CTNNA3: variants seen among roughly 807,000 people sequenced by gnomAD.
CTNNA3 encodes catenin alpha-3.
A neutral mutation model predicts 95.7 loss-of-function variants in CTNNA3; 76 were observed. That is an observed-to-expected ratio of 0.79 (90% CI 0.66 to 0.96). The LOEUF (loss-of-function observed/expected upper bound fraction) is 0.96. CTNNA3 is among the 40% of genes least tolerant of loss of function. CTNNA3 has a pLI of 0.00. For synonymous variants in CTNNA3, 431 were observed against 374.4 expected, an observed-to-expected ratio of 1.15 and a Z score of -1.74; for missense variants, 1,191 against 1,089.8, an observed-to-expected ratio of 1.09 and a Z score of -1.31.
At chr10:67,345,491 T>C (rs1325918809) in intron 5 of CTNNA3, among the ~76,000 whole-genome samples, 1 of 152,180 alleles carries the variant, frequency 6.6e-6, no homozygotes, top group Non-Finnish European at 1.5e-5. Flanking sequence ...ATTTGCTTTA[T>C]ATATCTGGGC....
At chr10:67,000,071 TC>T (rs1279964740) in intron 7 of CTNNA3, among the ~76,000 whole-genome samples, 13 of 152,308 alleles carry the variant, frequency 8.5e-5, no homozygotes, top group African/African-American at 3.1e-4. Context: ...ATGGAAATGA[TC>T]ATGATAGCAT....
rs1589307293 is a variant in CTNNA3, at chr10:66,479,428, C to T, written c.1531+41189G>A. On this transcript the variant is annotated intron_variant, in intron 11 of 17. Transcript: ENST00000433211. Reference sequence around the variant, plus strand: ...TAGAATAAGCCAATCACTTTTCACACACAAATCAAAAACATATTGTGATAT... The same window carrying T: ...TAGAATAAGCCAATCACTTTTCACATACAAATCAAAAACATATTGTGATAT... Among the ~76,000 whole-genome samples, 4 of 152,058 alleles carry T rather than the reference C, an allele frequency of 2.6e-5. No homozygotes were observed. The South Asian group carries it at 8.3e-4, about 32-fold the overall frequency.
intron 16 of CTNNA3, among the ~76,000 whole-genome samples, chr10:65,986,227 A>C (rs907039243): frequency 8.6e-5 from 13 of 151,472 alleles, no homozygotes; most frequent in African/African-American, 3.1e-4. Context: ...CTGTATCAAA[A>C]TATTTCCTGT....
At chr10:67,421,954 ACAT>A (rs1489608555) in intron 5 of CTNNA3, among the ~76,000 whole-genome samples, 4 of 152,196 alleles carry the variant, frequency 2.6e-5, no homozygotes, top group Non-Finnish European at 5.9e-5. Flanking sequence ...GGGACAACCA[ACAT>A]CATGCTCACA....
At chr10:67,554,003 T>C (rs779184770) in intron 3 of CTNNA3, among the ~76,000 whole-genome samples, 7 of 152,190 alleles carry the variant, frequency 4.6e-5, no homozygotes, top group Non-Finnish European at 1.0e-4. Context: ...AGTGAGAACA[T>C]ACAGTGTTTG....
chr10:66,577,085 A>C (rs1843028987), intron 10 of CTNNA3, among the ~76,000 whole-genome samples: 1 of 150,546 alleles, frequency 6.6e-6, no homozygotes, highest in Non-Finnish European at 1.5e-5. Flanking sequence ...GATTAGTCAT[A>C]ATGAACATTT....
rs147703898 is a variant in CTNNA3 at position 66,314,417 on chromosome 10, G to A, written c.1733-33796C>T. 3.9e-3 allele frequency among the ~76,000 whole-genome samples: 592 copies of A among 150,556 alleles called. 7 individuals are homozygous for A. Among genetic ancestry groups the A allele is most frequent in the African/African-American group, 0.012 (507 of 41,456 alleles). ...ATTTAAAAATTTTAAAATATCATGT[G>A]TGGAAAACATCTGTGTGATTATGCT... On this transcript the variant is annotated intron_variant, in intron 12 of 17. Coordinates refer to ENST00000433211, the MANE Select transcript of CTNNA3 (RefSeq NM_013266.4).
At chr10:66,637,144 A>T (rs749044213) in intron 9 of CTNNA3, among the ~76,000 whole-genome samples, 1 of 152,192 alleles carries the variant, frequency 6.6e-6, no homozygotes, top group Non-Finnish European at 1.5e-5. Context: ...ATTTTTGGAT[A>T]AATCAGAAAT....
At chr10:66,821,825 C>A (rs1842313773) in intron 7 of CTNNA3, among the ~76,000 whole-genome samples, 1 of 152,112 alleles carries the variant, frequency 6.6e-6, no homozygotes, top group Admixed American at 6.6e-5. Flanking sequence ...TTGCTCTAGT[C>A]AACCAAAGCA....
intron 7 of CTNNA3, among the ~76,000 whole-genome samples, chr10:67,128,322 G>T (rs545008123): frequency 6.6e-6 from 1 of 151,922 alleles, no homozygotes; most frequent in African/African-American, 2.4e-5. Context: ...AGGATGTATG[G>T]TTTTTCTAAA....
At chr10:66,362,096 A>ATT (rs569047811) in intron 12 of CTNNA3, among the ~76,000 whole-genome samples, 178 of 81,730 alleles carry the variant, frequency 2.2e-3, no homozygotes, top group East Asian at 4.7e-3. Context: ...TTCATACACA[A>ATT]TTTTTTTTTT....
At chr10:66,256,605 C>T (rs1333197670) in intron 13 of CTNNA3, among the ~76,000 whole-genome samples, 1 of 151,868 alleles carries the variant, frequency 6.6e-6, no homozygotes, top group Non-Finnish European at 1.5e-5. Flanking sequence ...CCTGTAATCC[C>T]AGCTACTCAG....
rs150568825 is a variant in CTNNA3, at chr10:66,822,096, T to C, written c.1048-46572A>G. ...TATATAAAATTACATATATTATATG[T>C]AAAATTTATGCATAAATATTACGTT... On this transcript the variant is annotated intron_variant, in intron 7 of 17. Transcript: ENST00000433211. 4.8e-3 allele frequency among the ~76,000 whole-genome samples: 632 copies of C among 133,014 alleles called. 5 individuals carry two copies. The highest frequency in any genetic ancestry group is 0.016 in the African/African-American group (574 of 35,358). The allele number at this position is 133,014 out of a possible 152,430, so 87.3% of individuals were successfully genotyped here. A position where few individuals can be genotyped will look rare whatever the true frequency, so the allele number is the denominator to read the frequency against.
chr10:67,344,953 T>G (rs959847248), intron 5 of CTNNA3, among the ~76,000 whole-genome samples: 1 of 151,978 alleles, frequency 6.6e-6, no homozygotes, highest in Admixed American at 6.6e-5. Context: ...TTGAAGTTTT[T>G]TTTTCTTTTT....
intron 12 of CTNNA3, among the ~76,000 whole-genome samples, chr10:66,367,651 C>G (rs1160181628): frequency 1.3e-5 from 2 of 149,292 alleles, no homozygotes; most frequent in South Asian, 2.1e-4. Context: ...TGAACAAATA[C>G]AAAAAGTTAA....
At chr10:66,114,523 C>G (rs919134662) in intron 13 of CTNNA3, among the ~76,000 whole-genome samples, 30 of 149,418 alleles carry the variant, frequency 2.0e-4, no homozygotes, top group African/African-American at 7.3e-4. Flanking sequence ...TATATATAGT[C>G]TAATTATTTA....
intron 2 of CTNNA3, among the ~76,000 whole-genome samples, chr10:67,644,657 G>A (rs1839648568): frequency 6.6e-6 from 1 of 151,566 alleles, no homozygotes; most frequent in Non-Finnish European, 1.5e-5. Context: ...TTTTTGATAA[G>A]GAGAATCCCA....
chr10:67,078,512 C>CTTTT (rs11396357), intron 7 of CTNNA3, among the ~76,000 whole-genome samples: 2 of 151,128 alleles, frequency 1.3e-5, no homozygotes, highest in African/African-American at 4.9e-5. Context: ...TTTCTGATAC[C>CTTTT]TTTTTTATTA....
At chr10:67,762,106 T>C (rs908769238) in intron 1 of CTNNA3, among the ~76,000 whole-genome samples, 1 of 151,184 alleles carries the variant, frequency 6.6e-6, no homozygotes. Context: ...CTCATTTGGA[T>C]TTGGAAATTC....
Sources: gnomAD v4.1 joint callset for allele counts (sites outside exome capture counted in the v4.1 genomes callset) on GRCh38, gnomAD v4.1.1 for gene constraint, MANE v1.5 for transcripts, NCBI Gene and HGNC (gene_info 2026-07-23, HGNC 2026-07-21) for gene names.